CACNA2D1: variants seen among roughly 807,000 people sequenced by gnomAD.
CACNA2D1 encodes the protein calcium voltage-gated channel auxiliary subunit alpha2delta 1, also known as voltage-dependent calcium channel subunit alpha-2/delta-1.
In CACNA2D1, 53 loss-of-function variants were observed where a neutral mutation model predicts 171.5. That is an observed-to-expected ratio of 0.31 (90% CI 0.25 to 0.39). The LOEUF (loss-of-function observed/expected upper bound fraction) is 0.39, where lower values mean the gene tolerates loss of function less well. Among genes scored for constraint, CACNA2D1 ranks in the 10% least tolerant of loss-of-function variants. The pLI is 1.00. For missense variants in CACNA2D1, 903 were observed against 1,299.8 expected (o/e 0.69, Z 4.69); for synonymous variants, 442 against 443.1 (o/e 1.00, Z 0.03).
chr7:82,385,250 A>T (rs1824200250), intron 1 of CACNA2D1, among the ~76,000 whole-genome samples: 1 of 152,272 alleles, frequency 6.6e-6, no homozygotes, highest in Non-Finnish European at 1.5e-5. Flanking sequence ...TGCTGGAATA[A>T]GAAAGTTCAG....
intron 3 of CACNA2D1, among the ~76,000 whole-genome samples, chr7:82,267,242 ATAAGCACTTTT>A (rs1241086017): frequency 6.6e-6 from 1 of 152,232 alleles, no homozygotes; most frequent in Non-Finnish European, 1.5e-5. Context: ...GATTTAAAGG[ATAAGCACTTTT>A]TATATGTGCA....
At chr7:82,252,026 AT>A (rs921821271) in intron 3 of CACNA2D1, among the ~76,000 whole-genome samples, 1 of 152,180 alleles carries the variant, frequency 6.6e-6, no homozygotes, top group Non-Finnish European at 1.5e-5. Context: ...AGAGATTTCA[AT>A]TTTTTATGTC....
intron 3 of CACNA2D1, 142 bp downstream of exon 3, chr7:82,334,991 GAT>G: frequency 1.6e-6 from 1 of 617,134 alleles, no homozygotes; most frequent in Non-Finnish European, 2.9e-6. Flanking sequence ...TTTAAACCAT[GAT>G]ATCTCATTTT....
intron 21 of CACNA2D1, among the ~76,000 whole-genome samples, chr7:81,986,647 A>G (rs1797007226): frequency 6.6e-6 from 1 of 152,180 alleles, no homozygotes; most frequent in South Asian, 2.1e-4. Flanking sequence ...TGTTACCTCC[A>G]ATTCCCAAAT....
intron 3 of CACNA2D1, among the ~76,000 whole-genome samples, chr7:82,188,115 C>T (rs373908446): frequency 2.9e-4 from 44 of 152,238 alleles, no homozygotes; most frequent in African/African-American, 9.9e-4. Flanking sequence ...TGTGAAGGCT[C>T]TGCCCTCATA....
intron 7 of CACNA2D1, among the ~76,000 whole-genome samples, chr7:82,079,773 A>C (rs1277558666): frequency 6.6e-6 from 1 of 151,374 alleles, no homozygotes; most frequent in Non-Finnish European, 1.5e-5. Context: ...GTTACAAGGG[A>C]GGAAGAGATG....
chr7:82,252,614 G>C (rs576539117), intron 3 of CACNA2D1, among the ~76,000 whole-genome samples: 1 of 152,144 alleles, frequency 6.6e-6, no homozygotes, highest in African/African-American at 2.4e-5. Flanking sequence ...ACACTTGGCC[G>C]GGCGTGGTGG....
intron 3 of CACNA2D1, among the ~76,000 whole-genome samples, chr7:82,263,937 G>GTT (rs557917420): frequency 2.0e-5 from 3 of 148,892 alleles, no homozygotes. Context: ...CATAATATGG[G>GTT]TTTTTTTTTT....
chr7:82,361,909 A>G (rs1240366263), intron 1 of CACNA2D1, among the ~76,000 whole-genome samples: 3 of 152,332 alleles, frequency 2.0e-5, no homozygotes, highest in South Asian at 4.1e-4. Context: ...TAAAATGTGA[A>G]ATAAACACTT....
chr7:82,242,332 A>G (rs1585199256), intron 3 of CACNA2D1, among the ~76,000 whole-genome samples: 2 of 152,188 alleles, frequency 1.3e-5, no homozygotes, highest in East Asian at 3.9e-4. Flanking sequence ...TATTCAGAAG[A>G]AAGTAATCTA....
chr7:82,427,651 G>A (rs1240898935), intron 1 of CACNA2D1, among the ~76,000 whole-genome samples: 1 of 152,150 alleles, frequency 6.6e-6, no homozygotes, highest in African/African-American at 2.4e-5. Flanking sequence ...CAATGGGAAG[G>A]TTGACTTGTT....
chr7:82,156,740 GA>G (rs1162051401), intron 4 of CACNA2D1, among the ~76,000 whole-genome samples: 2 of 151,872 alleles, frequency 1.3e-5, no homozygotes, highest in Non-Finnish European at 2.9e-5. Context: ...AAATTGAAAT[GA>G]AAAGCTGAGT....
chr7:82,259,872 A>G (rs1806847727), intron 3 of CACNA2D1, among the ~76,000 whole-genome samples: 1 of 152,230 alleles, frequency 6.6e-6, no homozygotes, highest in African/African-American at 2.4e-5. Context: ...CTTTGTCTCT[A>G]AAATTGATAT....
intron 15 of CACNA2D1, among the ~76,000 whole-genome samples, chr7:82,010,192 T>C (rs1799612548): frequency 6.6e-6 from 1 of 152,106 alleles, no homozygotes; most frequent in Admixed American, 6.6e-5. Context: ...ATATTTCGTT[T>C]TGAAATATAT....
intron 7 of CACNA2D1, 99 bp from the exon 8 acceptor site, chr7:82,066,623 T>C (rs1807660408): frequency 6.8e-7 from 1 of 1,463,066 alleles, no homozygotes; most frequent in Middle Eastern, 2.5e-4. Flanking sequence ...AGATACATAA[T>C]TTCACTTACG....
chr7:82,284,138 G>A lies in CACNA2D1; in HGVS notation c.294+50997C>T, dbSNP rs78533442. Among the ~76,000 whole-genome samples, 18 of 150,472 alleles carry A rather than the reference G, an allele frequency of 1.2e-4. No individual in the cohort carries two copies. The East Asian group carries it at 2.7e-3, about 23-fold the overall frequency. On this transcript the variant is annotated intron_variant, in intron 3 of 38. Coordinates refer to ENST00000356860, the MANE Select transcript of CACNA2D1 (RefSeq NM_000722.4). ...TGAGGCAGGAGGTGGAGGCTCTACT[G>A]TGCTATGATAACCACTGTACTCCAG...
chr7:82,077,070 T>C (rs1809053633), intron 7 of CACNA2D1, among the ~76,000 whole-genome samples: 1 of 152,216 alleles, frequency 6.6e-6, no homozygotes, highest in African/African-American at 2.4e-5. Flanking sequence ...TAATAATTTG[T>C]ATTGCAATCT....
chr7:82,160,396 A>T (rs1032043873), intron 4 of CACNA2D1, among the ~76,000 whole-genome samples: 11 of 152,134 alleles, frequency 7.2e-5, no homozygotes, highest in African/African-American at 2.7e-4. Context: ...TCATAAAAGT[A>T]TTGCTGATAA....
chr7:81,968,948 C>A lies in CACNA2D1; in HGVS notation c.2334G>T (p.Ser778=). 2.5e-6 allele frequency: 4 copies of A among 1,590,174 alleles called. No individual in the cohort carries two copies. Among genetic ancestry groups the A allele is most frequent in the Non-Finnish European group, 3.4e-6 (4 of 1,161,100 alleles). The change falls in exon 29 of 39, where the codon TCG becomes TCT. Residue 778 remains serine, a synonymous_variant. Transcript: ENST00000356860. ...CTACAGCTTTGCTTACCATAATGCC[C>A]GATTCATAGGCACCAGGTCCACTTT... ...FNKSGPGAYE[S]GIMVSKAVEI...
Sources: gnomAD v4.1 joint callset for allele counts (sites outside exome capture counted in the v4.1 genomes callset) on GRCh38, gnomAD v4.1.1 for gene constraint, MANE v1.5 for transcripts, NCBI Gene and HGNC (gene_info 2026-07-23, HGNC 2026-07-21) for gene names.